The following EIF4G1 variants were observed in gnomAD, a reference collection of about 807,000 sequenced individuals.
EIF4G1 encodes EIF4-gamma.
In EIF4G1, 4 loss-of-function variants were observed where a neutral mutation model predicts 187.8. The observed-to-expected ratio is 0.02, with a 90% CI of 0.01 to 0.05. EIF4G1 has a LOEUF of 0.05. EIF4G1 is among the 10% of genes least tolerant of loss of function. The pLI is 1.00. For synonymous variants in EIF4G1, 844 were observed against 781.4 expected, an observed-to-expected ratio of 1.08 and a Z score of -1.34; for missense variants, 1,647 against 2,081.1, an observed-to-expected ratio of 0.79 and a Z score of 4.06.
chr3:184,324,357 A>C lies in EIF4G1; in HGVS notation c.2619+10A>C, dbSNP rs1724443595. 3 of 1,614,078 alleles carry C rather than the reference A, an allele frequency of 1.9e-6. No individual in the cohort carries two copies. The highest frequency in any genetic ancestry group is 2.2e-5 in the South Asian group (2 of 91,084). On this transcript the variant is annotated intron_variant, in intron 17 of 32. Coordinates refer to ENST00000346169, the MANE Select transcript of EIF4G1 (RefSeq NM_198241.3). ...GGATGAAGCTGCTACGGTGAGAGAA[A>C]ACCCACTATCGATTCCACTCACCAC...
At position 184,325,080 on chromosome 3, in the gene EIF4G1, C is replaced by A; in HGVS notation, c.2822C>A (p.Thr941Asn). Reference protein sequence around the residue: ...SLECLCRLLTTIGKDLDFEKA... With the variant: ...SLECLCRLLTNIGKDLDFEKA... ...GAGTGCCTTTGTCGTCTGCTCACCA[C>A]CATTGGCAAAGACCTGGACTTTGAA... The change falls in exon 18 of 33, where the codon ACC becomes AAC. Residue 941 changes from threonine (T) to asparagine (N), a missense_variant. Thr to Asn is a moderately conservative substitution (Grantham distance 65). Transcript: ENST00000346169. This position sits in a 1 kb window ranked among gnomAD's most constrained non-coding sequence, Gnocchi z 5.2. The A allele has an allele frequency of 6.2e-7, 1 of 1,614,204 alleles. No individual in the cohort carries two copies. The highest frequency in any genetic ancestry group is 8.5e-7 in the Non-Finnish European group (1 of 1,180,040).
At chr3:184,333,838 C>T (rs1726592193) in intron 32 of EIF4G1, among the ~76,000 whole-genome samples, 1 of 152,070 alleles carries the variant, frequency 6.6e-6, no homozygotes, top group Non-Finnish European at 1.5e-5. Flanking sequence ...AGTGCATAAT[C>T]GATTGGATGG....
intron 1 of EIF4G1, among the ~76,000 whole-genome samples, chr3:184,314,951 C>T (rs1216574529): frequency 2.0e-5 from 3 of 151,334 alleles, no homozygotes; most frequent in African/African-American, 7.3e-5. Flanking sequence ...GAAATGCCAC[C>T]TCGGCCTGAC....
intron 5 of EIF4G1, 39 bp from the exon 6 acceptor site, chr3:184,317,678 C>T: frequency 1.9e-6 from 3 of 1,575,972 alleles, no homozygotes; most frequent in South Asian, 1.1e-5. Flanking sequence ...ACTCATAGCT[C>T]CCTCAACTCC....
rs186954366 is a variant in EIF4G1, at chr3:184,329,402, G to A, written c.4161+412G>A. Among the ~76,000 whole-genome samples, 1,101 of 152,306 alleles carry A rather than the reference G, an allele frequency of 7.2e-3. 20 individuals are homozygous for A. Among genetic ancestry groups the A allele is most frequent in the Non-Finnish European group, 8.0e-3 (545 of 68,028 alleles). ...AATCCCAGCACTTTGAGAGGCCGAC[G>A]TGGGTGGATCACGAGGTCAGGAGTT... On this transcript the variant is annotated intron_variant, in intron 28 of 32. Transcript: ENST00000346169.
intron 6 of EIF4G1, among the ~76,000 whole-genome samples, chr3:184,319,426 G>GGTGTGTGTGTGT (rs1168140244): frequency 6.6e-4 from 75 of 112,964 alleles, no homozygotes; most frequent in Non-Finnish European, 1.1e-3. Flanking sequence ...GCCTACGAGG[G>GGTGTGTGTGTGT]GTGTGTGTGT....
intron 16 of EIF4G1, 49 bp downstream of exon 16, chr3:184,324,026 A>C: frequency 6.2e-7 from 1 of 1,610,850 alleles, no homozygotes; most frequent in South Asian, 1.1e-5. Context: ...GCCCATTCCT[A>C]TTCCCAAGAC....
rs765455668 is a variant in EIF4G1, at chr3:184,321,265, TC to T, written c.698-15del. The T allele has an allele frequency of 1.7e-5, 28 of 1,613,956 alleles. 1 individual carries two copies. The Admixed American group carries it at 4.0e-4, about 23-fold the overall frequency. On this transcript the variant is annotated splice_polypyrimidine_tract_variant and intron_variant, in intron 9 of 32. Transcript: ENST00000346169. ...GCACTTGCCTTTAGTTGCTCATTCTTCCTTCCTATGGTGCAGATGACCGGTC... is the reference window on the plus strand; with the variant it reads ...GCACTTGCCTTTAGTTGCTCATTCTTCTTCCTATGGTGCAGATGACCGGTC...
At position 184,331,456 on chromosome 3, in the gene EIF4G1, G is replaced by T. The variant is rs1428975578; in HGVS notation, c.4261-16G>T. On this transcript the variant is annotated splice_polypyrimidine_tract_variant and intron_variant, in intron 29 of 32. Transcript: ENST00000346169. ...TGGCAACCTTACCTCTTAACTGCGGGCCTTTTCCATTGCAGAAGGTGGAGT... is the reference window on the plus strand; with the variant it reads ...TGGCAACCTTACCTCTTAACTGCGGTCCTTTTCCATTGCAGAAGGTGGAGT... The T allele has an allele frequency of 1.2e-6, 2 of 1,614,174 alleles. No individual in the cohort carries two copies. The highest frequency in any genetic ancestry group is 8.5e-7 in the Non-Finnish European group (1 of 1,180,030).
chr3:184,327,372 A>G lies in EIF4G1; in HGVS notation c.3585A>G (p.Arg1195=). The change falls in exon 24 of 33, where the codon AGA becomes AGG. Residue 1195 remains arginine, a synonymous_variant. Coordinates refer to ENST00000346169, the MANE Select transcript of EIF4G1 (RefSeq NM_198241.3). ...SFSKEVEERS[R]ERPSQPEGLR... is the part of the protein sequence containing the mutation. ...GCAAGGAAGTGGAGGAGCGGAGTAG[A>G]GAACGGCCCTCCCAGCCTGAGGGGC... 6.2e-7 allele frequency: 1 copy of G among 1,613,664 alleles called. No homozygotes were observed. The highest frequency in any genetic ancestry group is 8.5e-7 in the Non-Finnish European group (1 of 1,180,032).
At chr3:184,319,843 G>A in intron 7 of EIF4G1, 42 bp downstream of exon 7, 1 of 1,384,092 alleles carries the variant, frequency 7.2e-7, no homozygotes, top group Non-Finnish European at 1.0e-6. Context: ...GGGAAGGGGA[G>A]AATCAAGGTC....
At chr3:184,328,224 C>T in intron 26 of EIF4G1, 1 of 570,996 alleles carries the variant, frequency 1.8e-6, no homozygotes, top group Non-Finnish European at 3.1e-6. Flanking sequence ...TGGTGAAACC[C>T]TGTCTCTACT....
chr3:184,324,297 G>T lies in EIF4G1; in HGVS notation c.2569G>T (p.Asp857Tyr). ...CQKEFEKDKD[D>Y]DEVFEKKQKE... ...GAAGGAGTTTGAGAAAGACAAAGATGATGATGAGGTTTTTGAGAAGAAGCA... is the reference window on the plus strand; with the variant it reads ...GAAGGAGTTTGAGAAAGACAAAGATTATGATGAGGTTTTTGAGAAGAAGCA... The change falls in exon 17 of 33, where the codon GAT becomes TAT. Residue 857 changes from aspartate to tyrosine, a missense_variant. Asp to Tyr is a radical substitution (Grantham distance 160). Around this residue, in one of 11 missense-constraint regions of EIF4G1, gnomAD observed 40 missense variants for 42.2 expected, o/e 0.95. Transcript: ENST00000346169. 1 of 1,614,226 alleles carries T rather than the reference G, an allele frequency of 6.2e-7. No homozygotes were observed. Among genetic ancestry groups the T allele is most frequent in the Non-Finnish European group, 8.5e-7 (1 of 1,180,044 alleles).
rs778571078 is a variant in EIF4G1, at chr3:184,327,313, C to A, written c.3526C>A (p.Arg1176Ser). ...AGGGGACCGTGGGGACCGGCTTGAT[C>A]GTGCGCGGACACCTGCTACCAAGCG... is the stretch of plus-strand genomic sequence containing the variant. The part of the protein sequence containing the change: ...RGGDRGDRLD[R>S]ARTPATKRSF... The change falls in exon 24 of 33, where the codon CGT (arginine) becomes AGT (serine). Residue 1176 changes from arginine (R) to serine (S), a missense_variant. By Grantham distance (110) the Arg-to-Ser change is moderately radical. Transcript: ENST00000346169. The A allele has an allele frequency of 6.2e-7, 1 of 1,613,760 alleles. No homozygotes were observed. Among genetic ancestry groups the A allele is most frequent in the East Asian group, 2.2e-5 (1 of 44,888 alleles).
rs778571078 is a variant in EIF4G1 at position 184,327,313 on chromosome 3, C to G, written c.3526C>G (p.Arg1176Gly). Residue 1176 changes from arginine (R) to glycine (G), a missense_variant, in exon 24 of 33, where the codon CGT becomes GGT. By Grantham distance (125) the Arg-to-Gly change is moderately radical. Around this residue, in one of 11 missense-constraint regions of EIF4G1, gnomAD observed 543 missense variants for 638.0 expected, o/e 0.85. Coordinates refer to ENST00000346169, the MANE Select transcript of EIF4G1 (RefSeq NM_198241.3). Reference sequence around the variant, plus strand: ...AGGGGACCGTGGGGACCGGCTTGATCGTGCGCGGACACCTGCTACCAAGCG... The same window carrying G: ...AGGGGACCGTGGGGACCGGCTTGATGGTGCGCGGACACCTGCTACCAAGCG... ...RGGDRGDRLD[R>G]ARTPATKRSF... 2 of 1,613,762 alleles carry G rather than the reference C, an allele frequency of 1.2e-6. No homozygotes were observed. The highest frequency in any genetic ancestry group is 1.1e-5 in the South Asian group (1 of 91,068).
intron 1 of EIF4G1, among the ~76,000 whole-genome samples, 164 bp downstream of exon 1, chr3:184,314,838 G>C (rs1310020865): frequency 6.7e-6 from 1 of 149,000 alleles, no homozygotes; most frequent in Non-Finnish European, 1.5e-5. Flanking sequence ...CCCGGCCCAC[G>C]TGTGCCTGGC....
rs1003187363 is a variant in EIF4G1, at chr3:184,326,707, C to T, written c.3325+78C>T. On this transcript the variant is annotated intron_variant, in intron 22 of 32. Transcript: ENST00000346169. ...GACAGAGCCTTTTCTGTTAGGGAGGCCTTCAGTACAAGGTGGTTAGGCAAT... is the reference window on the plus strand; with the variant it reads ...GACAGAGCCTTTTCTGTTAGGGAGGTCTTCAGTACAAGGTGGTTAGGCAAT... 2.8e-5 allele frequency: 44 copies of T among 1,549,976 alleles called. No individual in the cohort carries two copies. The South Asian group carries it at 4.6e-4, about 16-fold the overall frequency.
intron 28 of EIF4G1, among the ~76,000 whole-genome samples, chr3:184,330,098 GA>G (rs1476322461): frequency 6.6e-6 from 1 of 152,198 alleles, no homozygotes; most frequent in African/African-American, 2.4e-5. Flanking sequence ...TGTTAAGAAA[GA>G]AAAGACTGGG....
At chr3:184,316,019 G>C in intron 3 of EIF4G1, 113 bp from the exon 4 acceptor site, 1 of 1,547,568 alleles carries the variant, frequency 6.5e-7, no homozygotes. Context: ...CGGGGAGGGG[G>C]TATGTGGATT....
Sources: gnomAD v4.1 joint callset for allele counts (sites outside exome capture counted in the v4.1 genomes callset) on GRCh38, gnomAD v4.1.1 for gene constraint, gnomAD v4.1.1 regional missense constraint, Gnocchi (gnomAD v3.1) non-coding constraint, MANE v1.5 for transcripts, NCBI Gene and HGNC (gene_info 2026-07-23, HGNC 2026-07-21) for gene names.